The following MCPH1 variants were observed in gnomAD, a reference collection of about 807,000 sequenced individuals.
MCPH1 encodes microcephalin 1.
Under a neutral mutation model 84.5 loss-of-function variants are expected in MCPH1, and 104 were observed. The ratio of observed to expected loss-of-function variants is 1.23; its 90% CI spans 1.05 to 1.45. MCPH1 has a LOEUF of 1.45. Ranked by LOEUF, MCPH1 falls within the 40% of genes most tolerant of loss-of-function variation. The probability of loss-of-function intolerance (pLI) is 0.00; values close to 1 mark genes in which losing one functional copy is unlikely to be tolerated. For synonymous variants in MCPH1, 514 were observed against 366.8 expected (o/e 1.40, Z -4.58); for missense variants, 1,498 against 1,005.7 (o/e 1.49, Z -6.62).
In MCPH1 at chr8:6,495,674, A is replaced by G. The variant is rs1227143638; in HGVS notation, c.2137-4178A>G. Among the ~76,000 whole-genome samples, 7 of 152,208 alleles carry G rather than the reference A, an allele frequency of 4.6e-5. 1 individual carries two copies. Among genetic ancestry groups the G allele is most frequent in the African/African-American group, 1.4e-4 (6 of 41,452 alleles). On this transcript the variant is annotated intron_variant, in intron 11 of 13. Coordinates refer to ENST00000344683, the MANE Select transcript of MCPH1 (RefSeq NM_024596.5). ...TAATGTGTTTCTACACCTTCCATAA[A>G]CACCTACAACCACACTTTTTACCAC... is the stretch of plus-strand genomic sequence containing the variant.
chr8:6,515,300 C>T (rs1048682822), intron 12 of MCPH1, among the ~76,000 whole-genome samples: 1 of 152,094 alleles, frequency 6.6e-6, no homozygotes, highest in African/African-American at 2.4e-5. Flanking sequence ...TACTGTGGGG[C>T]TGTTTGGCTT....
At chr8:6,438,559 A>AT (rs1270090512) in intron 5 of MCPH1, among the ~76,000 whole-genome samples, 4 of 152,178 alleles carry the variant, frequency 2.6e-5, no homozygotes, top group Non-Finnish European at 5.9e-5. Flanking sequence ...GGTAGGAGTG[A>AT]TGGTTCATGG....
chr8:6,537,020 G>T (rs542358736), intron 12 of MCPH1, among the ~76,000 whole-genome samples: 8 of 150,406 alleles, frequency 5.3e-5, no homozygotes, highest in African/African-American at 1.7e-4. Context: ...ATCCTCCACT[G>T]GCAGCACCAA....
chr8:6,421,864 C>T (rs1800252478), intron 3 of MCPH1, among the ~76,000 whole-genome samples: 1 of 152,102 alleles, frequency 6.6e-6, no homozygotes, highest in Non-Finnish European at 1.5e-5. Flanking sequence ...CTCTGGGCTT[C>T]CACGTCCCCA....
chr8:6,446,723 T>C, intron 8 of MCPH1: 1 of 985,310 alleles, frequency 1.0e-6, no homozygotes, highest in South Asian at 4.7e-5. Flanking sequence ...AGTTTTCACC[T>C]TGTGTATTTT....
chr8:6,567,718 T>G (rs1052627152), intron 12 of MCPH1, among the ~76,000 whole-genome samples: 1 of 152,166 alleles, frequency 6.6e-6, no homozygotes, highest in Non-Finnish European at 1.5e-5. Context: ...AACACCACCA[T>G]GCAGCCTGGG....
chr8:6,640,791 A>G (rs1470949357), intron 13 of MCPH1, among the ~76,000 whole-genome samples: 1 of 152,202 alleles, frequency 6.6e-6, no homozygotes, highest in Non-Finnish European at 1.5e-5. Flanking sequence ...ATATTCTCCT[A>G]TTTATAGTTT....
In MCPH1 at chr8:6,647,199, A is replaced by G. The variant is rs760884165; in HGVS notation, c.*4150A>G. On this transcript the variant is annotated 3_prime_UTR_variant, in exon 14 of 14. Coordinates refer to ENST00000344683, the MANE Select transcript of MCPH1 (RefSeq NM_024596.5). The stretch of plus-strand genomic sequence containing the variant: ...GCTCAATATTATTAGTCACTAGGGA[A>G]ATACAAATTAAAGGCCCAATGAAAT... 2 of 152,180 alleles carry G rather than the reference A, an allele frequency of 1.3e-5. No homozygotes were observed. The highest frequency in any genetic ancestry group is 2.9e-5 in the Non-Finnish European group (2 of 68,026). 9.4% of individuals were successfully genotyped at this position (152,180 alleles called of 1,614,324 possible).
intron 1 of MCPH1, among the ~76,000 whole-genome samples, chr8:6,408,307 C>G (rs1185952567): frequency 6.6e-6 from 1 of 151,318 alleles, no homozygotes. Context: ...CATAATAGCT[C>G]AAGCAATTCT....
intron 13 of MCPH1, among the ~76,000 whole-genome samples, chr8:6,628,732 G>A (rs993839382): frequency 6.6e-6 from 1 of 152,190 alleles, no homozygotes; most frequent in Non-Finnish European, 1.5e-5. Context: ...CCCGTGCTTG[G>A]GGTGAATGCC....
At position 6,421,723 on chromosome 8, in the gene MCPH1, A is replaced by T. The variant is rs1056019554; in HGVS notation, c.233+6840A>T. The stretch of plus-strand genomic sequence containing the variant: ...TCCTGTGGCAGAGACCTTACGGCCC[A>T]CGAAGCCTAAGGCATTCACTACTTT... On this transcript the variant is annotated intron_variant, in intron 3 of 13. Coordinates refer to ENST00000344683, the MANE Select transcript of MCPH1 (RefSeq NM_024596.5). 2.0e-5 allele frequency among the ~76,000 whole-genome samples: 3 copies of T among 152,312 alleles called. No homozygotes were observed. In the East Asian group the frequency reaches 5.8e-4, roughly 29 times the overall value.
At chr8:6,491,675 T>A (rs1055366357) in intron 11 of MCPH1, among the ~76,000 whole-genome samples, 2 of 151,944 alleles carry the variant, frequency 1.3e-5, no homozygotes, top group African/African-American at 4.8e-5. Context: ...CCTTCCTGTG[T>A]CCATGTCTTC....
At chr8:6,499,305 T>C (rs1346152897) in intron 11 of MCPH1, among the ~76,000 whole-genome samples, 1 of 152,098 alleles carries the variant, frequency 6.6e-6, no homozygotes, top group Non-Finnish European at 1.5e-5. Context: ...ATGATAATGA[T>C]GACGATGAAA....
intron 10 of MCPH1, among the ~76,000 whole-genome samples, chr8:6,479,511 T>G (rs1364537997): frequency 6.6e-6 from 1 of 151,844 alleles, no homozygotes; most frequent in Non-Finnish European, 1.5e-5. Flanking sequence ...CTCCTCCCAC[T>G]GCAAGCTCCA....
At chr8:6,514,480 C>T (rs572089684) in intron 12 of MCPH1, among the ~76,000 whole-genome samples, 114 of 152,324 alleles carry the variant, frequency 7.5e-4, no homozygotes, top group African/African-American at 2.5e-3. Context: ...TGAGCCAGCA[C>T]GTCTGGCTGC....
chr8:6,455,901 G>A (rs1421177039), intron 9 of MCPH1, among the ~76,000 whole-genome samples: 1 of 152,090 alleles, frequency 6.6e-6, no homozygotes, highest in Non-Finnish European at 1.5e-5. Flanking sequence ...AGAATGGTAG[G>A]GAAAAACCAT....
intron 12 of MCPH1, among the ~76,000 whole-genome samples, chr8:6,595,402 A>C (rs948030347): frequency 6.6e-6 from 1 of 152,174 alleles, no homozygotes; most frequent in South Asian, 2.1e-4. Flanking sequence ...GAGAAGGTGA[A>C]TGAGTTAAAA....
chr8:6,456,797 C>T (rs750393378), intron 9 of MCPH1, among the ~76,000 whole-genome samples: 42 of 152,102 alleles, frequency 2.8e-4, no homozygotes, highest in Non-Finnish European at 3.7e-4. Context: ...CTGTTTCAGA[C>T]GAGTGGTATT....
At chr8:6,614,475 C>A (rs150865048) in intron 12 of MCPH1, among the ~76,000 whole-genome samples, 1 of 152,250 alleles carries the variant, frequency 6.6e-6, no homozygotes, top group Non-Finnish European at 1.5e-5. Flanking sequence ...TGATTTCTCG[C>A]CCCCTCTTGT....
Sources: gnomAD v4.1 joint callset for allele counts (sites outside exome capture counted in the v4.1 genomes callset) on GRCh38, gnomAD v4.1.1 for gene constraint, MANE v1.5 for transcripts, NCBI Gene and HGNC (gene_info 2026-07-23, HGNC 2026-07-21) for gene names.